Variants in AGAP1 observed in about 807,000 individuals in gnomAD.
The protein encoded by AGAP1 is ArfGAP with GTPase domain, ankyrin repeat and PH domain 1.
A neutral mutation model predicts 105.3 loss-of-function variants in AGAP1; 29 were observed. That is an observed-to-expected ratio of 0.28 (90% CI 0.21 to 0.38). AGAP1 has a LOEUF of 0.38. Among genes scored for constraint, AGAP1 ranks in the 10% least tolerant of loss-of-function variants. The pLI, the probability that AGAP1 is intolerant of heterozygous loss-of-function variation, is 1.00. For synonymous variants in AGAP1, 509 were observed against 485.9 expected, an observed-to-expected ratio of 1.05 and a Z score of -0.63; for missense variants, 998 against 1,165.1, an observed-to-expected ratio of 0.86 and a Z score of 2.09.
In AGAP1 at chr2:236,050,545, T is replaced by G. The variant is rs112151289; in HGVS notation, c.2114+1264T>G. ...GATTTGTTTAATGCTACCATAGAAA[T>G]CAGCTGGGTCATCAACTGTGAACAA... On this transcript the variant is annotated intron_variant, in intron 16 of 17. Coordinates refer to ENST00000304032, the MANE Select transcript of AGAP1 (RefSeq NM_001037131.3). The surrounding 1 kb of genome is among the most constrained non-coding windows in gnomAD (Gnocchi z 4.0). Among the ~76,000 whole-genome samples, 192 of 152,324 alleles carry G rather than the reference T, an allele frequency of 1.3e-3. No individual in the cohort carries two copies. The highest frequency in any genetic ancestry group is 4.5e-3 in the African/African-American group (188 of 41,572).
At position 235,524,769 on chromosome 2, in the gene AGAP1, T is replaced by A. The variant is rs547718783; in HGVS notation, c.163+29920T>A. ...TCGTCCCTTTCTTTTAGGGAACTCA[T>A]TGGCTTGTCTTGGACCCAAACATAA... On this transcript the variant is annotated intron_variant, in intron 1 of 17. Transcript: ENST00000304032. Among the ~76,000 whole-genome samples, 14 of 152,308 alleles carry A rather than the reference T, an allele frequency of 9.2e-5. No individual in the cohort carries two copies. The South Asian group carries it at 2.9e-3, about 32-fold the overall frequency.
At chr2:235,833,855 G>GTTGT (rs367814851) in intron 9 of AGAP1, among the ~76,000 whole-genome samples, 3 of 124,926 alleles carry the variant, frequency 2.4e-5, no homozygotes, top group African/African-American at 6.7e-5. Context: ...CTCCAATCTG[G>GTTGT]TTTTTTTTTT....
In AGAP1 at chr2:236,051,925, C is replaced by T. The variant is rs1279372658; in HGVS notation, c.2114+2644C>T. 6.6e-6 allele frequency among the ~76,000 whole-genome samples: 1 copy of T among 152,126 alleles called. No homozygotes were observed. The highest frequency in any genetic ancestry group is 1.5e-5 in the Non-Finnish European group (1 of 68,014). ...CTCCCACCACCTTCACCACCTCCTG[C>T]ACGTCCCCTCAATAGAAAATGGAAA... On this transcript the variant is annotated intron_variant, in intron 16 of 17. Coordinates refer to ENST00000304032, the MANE Select transcript of AGAP1 (RefSeq NM_001037131.3). This position sits in a 1 kb window ranked among gnomAD's most constrained non-coding sequence, Gnocchi z 5.9.
intron 13 of AGAP1, among the ~76,000 whole-genome samples, chr2:236,030,345 C>T (rs1334981176): frequency 6.6e-6 from 1 of 152,174 alleles, no homozygotes; most frequent in African/African-American, 2.4e-5. Context: ...TCTAAATCTG[C>T]TGTCTTGTTT....
rs899604324 is a variant in AGAP1 at position 235,751,487 on chromosome 2, G to A, written c.673+999G>A. ...GCCGCTTCAAGGTGATGGAGGACTC[G>A]CCGCGCTCTGACCTTGAAGACCCAC... On this transcript the variant is annotated intron_variant, in intron 6 of 17. Coordinates refer to ENST00000304032, the MANE Select transcript of AGAP1 (RefSeq NM_001037131.3). This position sits in a 1 kb window ranked among gnomAD's most constrained non-coding sequence, Gnocchi z 5.3. Among the ~76,000 whole-genome samples the A allele has an allele frequency of 3.9e-5, 6 of 152,174 alleles. No individual in the cohort carries two copies. Among genetic ancestry groups the A allele is most frequent in the Admixed American group, 2.0e-4 (3 of 15,282 alleles).
chr2:235,762,460 G>A (rs1171035095), intron 6 of AGAP1, among the ~76,000 whole-genome samples: 1 of 152,150 alleles, frequency 6.6e-6, no homozygotes, highest in Non-Finnish European at 1.5e-5. Flanking sequence ...TGTATTGAAT[G>A]CAGAGCCTCA....
In AGAP1 at chr2:235,550,699, A is replaced by G. The variant is rs1314746704; in HGVS notation, c.163+55850A>G. ...TGGGGATCTCCGGGCATGATGCGGA[A>G]TGTAGTGACGATCGCAAATCCTTCC... On this transcript the variant is annotated intron_variant, in intron 1 of 17. Coordinates refer to ENST00000304032, the MANE Select transcript of AGAP1 (RefSeq NM_001037131.3). The surrounding 1 kb of genome is among the most constrained non-coding windows in gnomAD (Gnocchi z 4.6). Among the ~76,000 whole-genome samples, 1 of 152,218 alleles carries G rather than the reference A, an allele frequency of 6.6e-6. No homozygotes were observed. Among genetic ancestry groups the G allele is most frequent in the Non-Finnish European group, 1.5e-5 (1 of 68,036 alleles).
Position 236,058,729 on chromosome 2 carries a change from C to G in AGAP1, c.2114+9448C>G, listed in dbSNP as rs2058111303. On this transcript the variant is annotated intron_variant, in intron 16 of 17. Coordinates refer to ENST00000304032, the MANE Select transcript of AGAP1 (RefSeq NM_001037131.3). This position sits in a 1 kb window ranked among gnomAD's most constrained non-coding sequence, Gnocchi z 4.6. ...TGGAGGTTCAAGCCAGGGAATTAGG[C>G]AAGAAGAAGAAACCAAAAGCATCCA... 6.6e-6 allele frequency among the ~76,000 whole-genome samples: 1 copy of G among 152,120 alleles called. No individual in the cohort carries two copies. The highest frequency in any genetic ancestry group is 2.4e-5 in the African/African-American group (1 of 41,412).
In AGAP1 at chr2:235,976,894, G is replaced by A. The variant is rs920933301; in HGVS notation, c.1645+8271G>A. On this transcript the variant is annotated intron_variant, in intron 13 of 17. Coordinates refer to ENST00000304032, the MANE Select transcript of AGAP1 (RefSeq NM_001037131.3). This position sits in a 1 kb window ranked among gnomAD's most constrained non-coding sequence, Gnocchi z 4.5. The stretch of plus-strand genomic sequence containing the variant: ...CAAAACAAACTAAATCTTGTAAAGA[G>A]GTGGCTTGGAGCTCCTGGGGGTACC... Among the ~76,000 whole-genome samples, 7 of 152,340 alleles carry A rather than the reference G, an allele frequency of 4.6e-5. No individual in the cohort carries two copies. Among genetic ancestry groups the A allele is most frequent in the African/African-American group, 1.2e-4 (5 of 41,572 alleles).
At position 235,777,552 on chromosome 2, in the gene AGAP1, C is replaced by T. The variant is rs184749230; in HGVS notation, c.674-20207C>T. ...ACCAGCAAATTACGCTGGCTGTACT[C>T]GCCATGTCCTGTTGCCATAGAGGAC... On this transcript the variant is annotated intron_variant, in intron 6 of 17. Transcript: ENST00000304032. This position sits in a 1 kb window ranked among gnomAD's most constrained non-coding sequence, Gnocchi z 5.1. Among the ~76,000 whole-genome samples the T allele has an allele frequency of 3.3e-3, 507 of 152,338 alleles. No homozygotes were observed. The highest frequency in any genetic ancestry group is 0.014 in the Middle Eastern group (4 of 294).
chr2:235,880,179 T>A (rs984825014), intron 9 of AGAP1, among the ~76,000 whole-genome samples: 15 of 151,874 alleles, frequency 9.9e-5, no homozygotes, highest in African/African-American at 3.1e-4. Context: ...GATTAGACTG[T>A]TTCCCCCTTT....
chr2:236,053,370 G>A lies in AGAP1; in HGVS notation c.2114+4089G>A, dbSNP rs1576180852. Among the ~76,000 whole-genome samples the A allele has an allele frequency of 6.6e-6, 1 of 152,166 alleles. No homozygotes were observed. The highest frequency in any genetic ancestry group is 1.5e-5 in the Non-Finnish European group (1 of 68,036). ...TGGAATTCCTCATGTGAGTGAAACC[G>A]GGGCTTTGACGTTTGCAGCACCAGC... On this transcript the variant is annotated intron_variant, in intron 16 of 17. Coordinates refer to ENST00000304032, the MANE Select transcript of AGAP1 (RefSeq NM_001037131.3). This position sits in a 1 kb window ranked among gnomAD's most constrained non-coding sequence, Gnocchi z 4.6.
chr2:235,819,112 CTTTTCTTTTT>C (rs895897286), intron 9 of AGAP1, among the ~76,000 whole-genome samples: 3 of 134,856 alleles, frequency 2.2e-5, no homozygotes, highest in Non-Finnish European at 3.3e-5. Flanking sequence ...CTTTTCTTTT[CTTTTCTTTTT>C]TTTTTTTTTG....
Position 235,959,894 on chromosome 2 carries a change from C to G in AGAP1, c.1484-8568C>G, listed in dbSNP as rs2054110207. On this transcript the variant is annotated intron_variant, in intron 12 of 17. Coordinates refer to ENST00000304032, the MANE Select transcript of AGAP1 (RefSeq NM_001037131.3). The surrounding 1 kb of genome is among the most constrained non-coding windows in gnomAD (Gnocchi z 7.3). ...GTGGCTTCTCTAAGGGCTTGAGTGC[C>G]TCCCTTTTGGGCCACCGTAGACACC... Among the ~76,000 whole-genome samples, 1 of 152,202 alleles carries G rather than the reference C, an allele frequency of 6.6e-6. No individual in the cohort carries two copies. Among genetic ancestry groups the G allele is most frequent in the African/African-American group, 2.4e-5 (1 of 41,460 alleles).
Position 235,620,071 on chromosome 2 carries a change from G to GC in AGAP1, c.164-89103dup, listed in dbSNP as rs1030341097. Among the ~76,000 whole-genome samples, 22 of 152,086 alleles carry GC rather than the reference G, an allele frequency of 1.4e-4. No homozygotes were observed. The highest frequency in any genetic ancestry group is 4.3e-4 in the African/African-American group (18 of 41,418). ...TGGGCCTCTGCAGCACCTGCCCTCGGCCCCCAGGGACCTTCTTTGTCACAG... is the reference window on the plus strand; with the variant it reads ...TGGGCCTCTGCAGCACCTGCCCTCGGCCCCCCAGGGACCTTCTTTGTCACAG... On this transcript the variant is annotated intron_variant, in intron 1 of 17. Coordinates refer to ENST00000304032, the MANE Select transcript of AGAP1 (RefSeq NM_001037131.3). This position sits in a 1 kb window ranked among gnomAD's most constrained non-coding sequence, Gnocchi z 4.5.
chr2:235,893,736 T>C lies in AGAP1; in HGVS notation c.1155+10287T>C, dbSNP rs530970901. Among the ~76,000 whole-genome samples, 8 of 152,318 alleles carry C rather than the reference T, an allele frequency of 5.3e-5. No individual in the cohort carries two copies. The highest frequency in any genetic ancestry group is 8.8e-5 in the Non-Finnish European group (6 of 68,024). On this transcript the variant is annotated intron_variant, in intron 10 of 17. Coordinates refer to ENST00000304032, the MANE Select transcript of AGAP1 (RefSeq NM_001037131.3). The surrounding 1 kb of genome is among the most constrained non-coding windows in gnomAD (Gnocchi z 4.7). ...CCCACAGTCTGCCCAGGGGCTGTCA[T>C]GTGAGTGGCACATAGGTATTGCTTA...
rs2049493944 is a variant in AGAP1, at chr2:235,872,496, A to G, written c.1051-10849A>G. Among the ~76,000 whole-genome samples, 1 of 152,180 alleles carries G rather than the reference A, an allele frequency of 6.6e-6. No homozygotes were observed. The highest frequency in any genetic ancestry group is 1.5e-5 in the Non-Finnish European group (1 of 68,038). On this transcript the variant is annotated intron_variant, in intron 9 of 17. Transcript: ENST00000304032. The surrounding 1 kb of genome is among the most constrained non-coding windows in gnomAD (Gnocchi z 4.5). ...AAAAAGACTTAGGATCACAGGGGCC[A>G]TTGGCACTCACTGACAGGAACTCTC...
At chr2:235,797,938 AAAT>A (rs762551251) in intron 7 of AGAP1, 52 bp downstream of exon 7, 2 of 1,598,416 alleles carry the variant, frequency 1.3e-6, no homozygotes, top group Non-Finnish European at 1.7e-6. Flanking sequence ...GACAATATGC[AAAT>A]AGTGTTCCCA....
rs2060083861 is a variant in AGAP1, at chr2:236,131,506, T to C, written c.*7384T>C. On this transcript the variant is annotated 3_prime_UTR_variant, in exon 18 of 18. Coordinates refer to ENST00000304032, the MANE Select transcript of AGAP1 (RefSeq NM_001037131.3). This position sits in a 1 kb window ranked among gnomAD's most constrained non-coding sequence, Gnocchi z 5.9. ...GTTTAGGTTTTTTTTTTGGATGTTT[T>C]CTATTACCTCATTCAGCAACTTTAT... 1.3e-5 allele frequency: 2 copies of C among 152,172 alleles called. No individual in the cohort carries two copies. Among genetic ancestry groups the C allele is most frequent in the African/African-American group, 4.8e-5 (2 of 41,440 alleles). 9.4% of individuals were successfully genotyped at this position (152,172 alleles called of 1,614,324 possible).
Sources: gnomAD v4.1 joint callset for allele counts (sites outside exome capture counted in the v4.1 genomes callset) on GRCh38, gnomAD v4.1.1 for gene constraint, Gnocchi (gnomAD v3.1) non-coding constraint, MANE v1.5 for transcripts, NCBI Gene and HGNC (gene_info 2026-07-23, HGNC 2026-07-21) for gene names.